Variants in DSCAML1 observed in about 807,000 individuals in gnomAD.
The protein encoded by DSCAML1 is DS cell adhesion molecule like 1.
In DSCAML1, 38 loss-of-function variants were observed where a neutral mutation model predicts 200.5. That is an observed-to-expected ratio of 0.19 (90% confidence interval 0.15 to 0.25). The LOEUF (loss-of-function observed/expected upper bound fraction) is 0.25, where lower values mean the gene tolerates loss of function less well. Ranked by LOEUF, DSCAML1 falls within the 10% of genes least tolerant of loss-of-function variation. The probability of loss-of-function intolerance (pLI) is 1.00; values close to 1 mark genes in which losing one functional copy is unlikely to be tolerated. For synonymous variants in DSCAML1, 1,215 were observed against 1,165.0 expected, an observed-to-expected ratio of 1.04 and a Z score of -0.87; for missense variants, 2,223 against 2,858.8, an observed-to-expected ratio of 0.78 and a Z score of 5.07.
rs534811546 is a variant in DSCAML1, at chr11:117,675,586, C to T, written c.511+101205G>A. On this transcript the variant is annotated intron_variant, in intron 3 of 32. Coordinates refer to ENST00000651296, the MANE Select transcript of DSCAML1 (RefSeq NM_020693.4). ...CCCACCTCTGGGGACCTGGGGGCTT[C>T]CTTTCCTCCAGACCTGGGTCCCAGT... 4.3e-3 allele frequency among the ~76,000 whole-genome samples: 637 copies of T among 149,238 alleles called. 4 individuals are homozygous for T. The highest frequency in any genetic ancestry group is 6.8e-3 in the Non-Finnish European group (460 of 67,634).
At chr11:117,497,485 T>G (rs570529283) in intron 11 of DSCAML1, among the ~76,000 whole-genome samples, 4 of 152,348 alleles carry the variant, frequency 2.6e-5, no homozygotes, top group Middle Eastern at 3.4e-3. Flanking sequence ...GCCTTTCTCC[T>G]CACCTCTGTT....
At chr11:117,495,965 G>A (rs960345362) in intron 11 of DSCAML1, among the ~76,000 whole-genome samples, 1 of 152,144 alleles carries the variant, frequency 6.6e-6, no homozygotes, top group Non-Finnish European at 1.5e-5. Context: ...CCTCCGTCTG[G>A]TCAGGTGAGC....
chr11:117,588,215 T>C (rs1338702599), intron 3 of DSCAML1, among the ~76,000 whole-genome samples: 1 of 151,582 alleles, frequency 6.6e-6, no homozygotes, highest in Non-Finnish European at 1.5e-5. Flanking sequence ...GGCACCAGGG[T>C]CCATTTTTTT....
intron 11 of DSCAML1, among the ~76,000 whole-genome samples, chr11:117,485,136 C>T (rs1192845233): frequency 6.6e-6 from 1 of 152,148 alleles, no homozygotes; most frequent in Non-Finnish European, 1.5e-5. Context: ...AAGCAGGGAC[C>T]ATGTTTCAGA....
intron 3 of DSCAML1, among the ~76,000 whole-genome samples, chr11:117,682,693 A>G (rs1192403777): frequency 7.3e-6 from 1 of 136,386 alleles, no homozygotes; most frequent in Non-Finnish European, 1.5e-5. Context: ...CTGGTAGGTG[A>G]AACTTACCCC....
intron 3 of DSCAML1, among the ~76,000 whole-genome samples, chr11:117,676,622 C>T (rs890034210): frequency 2.0e-5 from 3 of 152,226 alleles, no homozygotes; most frequent in East Asian, 3.8e-4. Flanking sequence ...CCAGCCCAAT[C>T]AGCCTCCATC....
chr11:117,773,114 C>A (rs2055068935), intron 3 of DSCAML1, among the ~76,000 whole-genome samples: 2 of 152,190 alleles, frequency 1.3e-5, no homozygotes, highest in Admixed American at 1.3e-4. Context: ...AGTAAGCACC[C>A]AATTCATGGA....
chr11:117,713,703 C>T (rs922359999), intron 3 of DSCAML1, among the ~76,000 whole-genome samples: 1 of 152,240 alleles, frequency 6.6e-6, no homozygotes. Flanking sequence ...CCTCCGTCAC[C>T]AGTTCAGATG....
At chr11:117,509,383 T>C (rs1211233244) in intron 8 of DSCAML1, among the ~76,000 whole-genome samples, 1 of 152,166 alleles carries the variant, frequency 6.6e-6, no homozygotes, top group Non-Finnish European at 1.5e-5. Context: ...ACATCCATCC[T>C]GGGGAGTTAA....
intron 3 of DSCAML1, among the ~76,000 whole-genome samples, chr11:117,687,743 T>C (rs1430494874): frequency 6.6e-6 from 1 of 152,048 alleles, no homozygotes; most frequent in Non-Finnish European, 1.5e-5. Context: ...GTGTAGTCTC[T>C]CTAGGCTTTA....
chr11:117,502,059 C>G (rs2049405494), intron 11 of DSCAML1, among the ~76,000 whole-genome samples: 1 of 152,152 alleles, frequency 6.6e-6, no homozygotes, highest in Non-Finnish European at 1.5e-5. Flanking sequence ...ACCAAATATG[C>G]TCCTTCTGAA....
intron 3 of DSCAML1, among the ~76,000 whole-genome samples, chr11:117,584,031 T>G (rs1041288024): frequency 6.6e-6 from 1 of 152,230 alleles, no homozygotes; most frequent in Admixed American, 6.5e-5. Context: ...AGGCCAAGTC[T>G]GCTTTGTGGA....
intron 3 of DSCAML1, among the ~76,000 whole-genome samples, chr11:117,640,739 C>A (rs190871652): frequency 6.6e-6 from 1 of 152,302 alleles, no homozygotes; most frequent in Admixed American, 6.5e-5. Flanking sequence ...CCTCACTGAC[C>A]TCCACACACA....
intron 4 of DSCAML1, among the ~76,000 whole-genome samples, chr11:117,529,612 A>G (rs915883365): frequency 5.9e-5 from 9 of 152,078 alleles, no homozygotes; most frequent in African/African-American, 2.2e-4. Flanking sequence ...CTGAGTGCTG[A>G]AGAGACCACA....
intron 21 of DSCAML1, 64 bp downstream of exon 21, chr11:117,443,822 C>T (rs929275468): frequency 2.0e-6 from 3 of 1,518,460 alleles, no homozygotes; most frequent in African/African-American, 2.8e-5. Flanking sequence ...CTGGGGAGAA[C>T]CAGGATTCTG....
chr11:117,545,060 T>C (rs2050345285), intron 3 of DSCAML1, among the ~76,000 whole-genome samples: 1 of 150,972 alleles, frequency 6.6e-6, no homozygotes, highest in Admixed American at 6.6e-5. Flanking sequence ...AAAAACCCGG[T>C]CTCTACTAAA....
At chr11:117,484,245 C>A (rs1029505791) in intron 11 of DSCAML1, among the ~76,000 whole-genome samples, 2 of 152,156 alleles carry the variant, frequency 1.3e-5, no homozygotes, top group African/African-American at 4.8e-5. Context: ...CACAGAGCTG[C>A]CACGGTGCCA....
chr11:117,657,750 C>T (rs2052763887), intron 3 of DSCAML1, among the ~76,000 whole-genome samples: 1 of 152,158 alleles, frequency 6.6e-6, no homozygotes, highest in African/African-American at 2.4e-5. Flanking sequence ...TTTATTATAG[C>T]ATTAAGAGAG....
At chr11:117,435,622 G>C in intron 27 of DSCAML1, 22 bp downstream of exon 27, 1 of 1,575,034 alleles carries the variant, frequency 6.3e-7, no homozygotes, top group Non-Finnish European at 8.7e-7. Context: ...CCTCCTGGAA[G>C]GCCCATAGGA....
Sources: allele counts gnomAD v4.1 joint callset (sites outside exome capture counted in the v4.1 genomes callset), GRCh38; gene constraint gnomAD v4.1.1; transcripts MANE v1.5; gene names NCBI Gene and HGNC (gene_info 2026-07-23, HGNC 2026-07-21).